The following CHD4 variants were observed in gnomAD, a reference collection of about 807,000 sequenced individuals.
CHD4 encodes the protein ATP-dependent chromatin remodeler CHD4.
Under a neutral mutation model 235.5 loss-of-function variants are expected in CHD4, and 35 were observed. The ratio of observed to expected loss-of-function variants is 0.15; its 90% confidence interval spans 0.11 to 0.20. The LOEUF is 0.20. Among genes scored for constraint, CHD4 ranks in the 10% least tolerant of loss-of-function variants. The pLI is 1.00. For synonymous variants in CHD4, 900 were observed against 850.2 expected, an observed-to-expected ratio of 1.06 and a Z score of -1.02; for missense variants, 1,329 against 2,432.3, an observed-to-expected ratio of 0.55 and a Z score of 9.54.
chr12:6,604,938 G>A lies in CHD4; in HGVS notation c.100+1336C>T, dbSNP rs949465886. ...ACTGTTTCTCATGCCCCTCTCAGAA[G>A]GACAGGGTCCCCTTACCAGCACCAC... On this transcript the variant is annotated intron_variant, in intron 2 of 39. Coordinates refer to ENST00000544040, the MANE Select transcript of CHD4 (RefSeq NM_001273.5). Among the ~76,000 whole-genome samples the A allele has an allele frequency of 2.1e-4, 32 of 152,102 alleles. 1 individual carries two copies. Among genetic ancestry groups the A allele is most frequent in the Non-Finnish European group, 7.4e-5 (5 of 68,022 alleles).
intron 2 of CHD4, among the ~76,000 whole-genome samples, chr12:6,605,603 C>T (rs1948680621): frequency 6.6e-6 from 1 of 152,156 alleles, no homozygotes; most frequent in Non-Finnish European, 1.5e-5. Context: ...AAACTATGTC[C>T]ACTCACCAGG....
chr12:6,600,787 G>A, intron 7 of CHD4, 118 bp from the exon 8 acceptor site: 1 of 1,513,088 alleles, frequency 6.6e-7, no homozygotes, highest in South Asian at 1.3e-5. Context: ...CCGTTATACA[G>A]GGAGCCTAGT....
Position 6,593,316 on chromosome 12 carries a change from G to C in CHD4, c.2515-88C>G. On this transcript the variant is annotated intron_variant, in intron 16 of 39. Transcript: ENST00000544040. The surrounding 1 kb of genome is among the most constrained non-coding windows in gnomAD (Gnocchi z 4.9). The stretch of plus-strand genomic sequence containing the variant: ...CTGATGGAATGTTTTCCTCCTCCCA[G>C]GGTTACCCTTTTGCCTCACCAGGGA... The C allele has an allele frequency of 6.2e-7, 1 of 1,600,842 alleles. No individual in the cohort carries two copies. The highest frequency in any genetic ancestry group is 8.5e-7 in the Non-Finnish European group (1 of 1,169,680).
Position 6,570,282 on chromosome 12 carries a change from AC to A in CHD4, c.*393del, listed in dbSNP as rs1947938342. 2 of 207,038 alleles carry A rather than the reference AC, an allele frequency of 9.7e-6. No homozygotes were observed. Among genetic ancestry groups the A allele is most frequent in the African/African-American group, 2.3e-5 (1 of 43,064 alleles). 12.8% of individuals were successfully genotyped at this position (207,038 alleles called of 1,614,324 possible). ...CCCAGGGGCCCAGCCCACTCTGAAT[AC>A]CCCCCAAAAAGGAGAAAAGAAAACA... On this transcript the variant is annotated 3_prime_UTR_variant, in exon 40 of 40. Transcript: ENST00000544040.
Position 6,579,180 on chromosome 12 carries a change from T to A in CHD4, c.4910-263A>T, listed in dbSNP as rs183595113. 1.1e-3 allele frequency: 453 copies of A among 409,080 alleles called. 4 individuals are homozygous for A. Among genetic ancestry groups the A allele is most frequent in the Admixed American group, 2.7e-3 (72 of 26,684 alleles). The allele number at this position is 409,080 out of a possible 1,614,324, so 25.3% of individuals were successfully genotyped here. On this transcript the variant is annotated intron_variant, in intron 33 of 39. Coordinates refer to ENST00000544040, the MANE Select transcript of CHD4 (RefSeq NM_001273.5). Reference sequence around the variant, plus strand: ...AAATACAAAAATTAGCTGGGTGCGGTGGCTCATGCCTGTAATCCCAGCACT... The same window carrying A: ...AAATACAAAAATTAGCTGGGTGCGGAGGCTCATGCCTGTAATCCCAGCACT...
At chr12:6,572,649 C>G (rs1488354746) in intron 38 of CHD4, among the ~76,000 whole-genome samples, 1 of 131,606 alleles carries the variant, frequency 7.6e-6, no homozygotes, top group Non-Finnish European at 1.5e-5. Flanking sequence ...CTCCGCCTCC[C>G]GGGTTCCAAG....
Position 6,593,062 on chromosome 12 carries a change from G to T in CHD4, c.2652+29C>A. ...AGTACTAGAAAAAACCCAAAGTGGGGGCTCCAACATCCCTCCCTCAGCCCT... is the reference window on the plus strand; with the variant it reads ...AGTACTAGAAAAAACCCAAAGTGGGTGCTCCAACATCCCTCCCTCAGCCCT... On this transcript the variant is annotated intron_variant, in intron 17 of 39. Coordinates refer to ENST00000544040, the MANE Select transcript of CHD4 (RefSeq NM_001273.5). This position sits in a 1 kb window ranked among gnomAD's most constrained non-coding sequence, Gnocchi z 4.9. 1 of 1,610,146 alleles carries T rather than the reference G, an allele frequency of 6.2e-7. No individual in the cohort carries two copies. The highest frequency in any genetic ancestry group is 1.3e-5 in the African/African-American group (1 of 74,872).
chr12:6,582,797 AAAGATGC>A (rs1948218565), intron 28 of CHD4, 44 bp downstream of exon 28: 1 of 1,613,962 alleles, frequency 6.2e-7, no homozygotes, highest in Admixed American at 1.7e-5. Flanking sequence ...GCATTCCACC[AAAGATGC>A]AATATCTGAC....
intron 10 of CHD4, 102 bp downstream of exon 10, chr12:6,599,671 G>A (rs1368309711): frequency 1.4e-6 from 2 of 1,452,048 alleles, no homozygotes; most frequent in Non-Finnish European, 1.9e-6. Flanking sequence ...TCTCAGGGCT[G>A]AAAAGCTCAT....
chr12:6,589,468 C>T (rs1273752713), intron 22 of CHD4, among the ~76,000 whole-genome samples: 1 of 152,184 alleles, frequency 6.6e-6, no homozygotes, highest in African/African-American at 2.4e-5. Context: ...GTATGATGAA[C>T]TGAAAAGGAC....
At chr12:6,585,927 G>A (rs866926656) in intron 25 of CHD4, among the ~76,000 whole-genome samples, 10 of 151,620 alleles carry the variant, frequency 6.6e-5, no homozygotes, top group Non-Finnish European at 1.2e-4. Context: ...GTGAAACCCC[G>A]TTTCTACTAA....
chr12:6,570,220 G>A lies in CHD4; in HGVS notation c.*456C>T, dbSNP rs192895387. The A allele has an allele frequency of 3.1e-5, 5 of 163,622 alleles. No individual in the cohort carries two copies. Among genetic ancestry groups the A allele is most frequent in the African/African-American group, 4.8e-5 (2 of 41,698 alleles). 10.1% of individuals were successfully genotyped at this position (163,622 alleles called of 1,614,324 possible). A position where few individuals can be genotyped will look rare whatever the true frequency, so the allele number is the denominator to read the frequency against. ...AGTGGCTAGAGCCGCTGGGTTCCTG[G>A]TATTAAAAAGATGCCAACAGAGGTA... On this transcript the variant is annotated 3_prime_UTR_variant, in exon 40 of 40. Transcript: ENST00000544040.
At chr12:6,572,796 G>A (rs1192021608) in intron 38 of CHD4, 5 of 254,424 alleles carry the variant, frequency 2.0e-5, no homozygotes, top group South Asian at 5.1e-5. Flanking sequence ...TCCTGACCTC[G>A]TGATCCACCT....
chr12:6,598,131 G>T (rs1253900526), intron 11 of CHD4, 32 bp from the exon 12 acceptor site: 1 of 1,613,448 alleles, frequency 6.2e-7, no homozygotes, highest in African/African-American at 1.3e-5. Flanking sequence ...CAGCCACCAA[G>T]AAGCTGTGTT....
intron 22 of CHD4, among the ~76,000 whole-genome samples, chr12:6,588,952 A>C (rs148739914): frequency 6.6e-6 from 1 of 152,254 alleles, no homozygotes; most frequent in East Asian, 1.9e-4. Flanking sequence ...CTCTTATAGA[A>C]AAATGTCAGA....
At chr12:6,591,122 CAAAA>C (rs35011913) in intron 22 of CHD4, 15 of 25,574 alleles carry the variant, frequency 5.9e-4, no homozygotes, top group East Asian at 4.1e-3. Flanking sequence ...GACTCCATCT[CAAAA>C]AAAAAAAAAA....
chr12:6,601,851 C>T, intron 4 of CHD4, 85 bp from the exon 5 acceptor site: 1 of 1,562,354 alleles, frequency 6.4e-7, no homozygotes, highest in Non-Finnish European at 8.8e-7. Flanking sequence ...ATCAGAGTAA[C>T]AGAGTTAAGA....
chr12:6,595,800 A>C (rs928818158), intron 13 of CHD4, among the ~76,000 whole-genome samples: 2 of 151,666 alleles, frequency 1.3e-5, no homozygotes, highest in Non-Finnish European at 2.9e-5. Context: ...AAAAAAAAAA[A>C]AAAAAAAATC....
Position 6,600,339 on chromosome 12 carries a change from C to G in CHD4, c.1120G>C (p.Glu374Gln). ...GYETDHQDYC[E>Q]VCQQGGEIIL... is the part of the protein sequence containing the mutation. ...ATCTCACCGCCTTGCTGGCACACCT[C>G]GCAATAGTCCTGGTGGTCTGTCTCA... The change falls in exon 9 of 40, where the codon GAG becomes CAG. Residue 374 changes from glutamate to glutamine, a missense_variant. This residue lies in a region of CHD4 where 13 missense variants were observed against 56.5 expected (regional missense o/e 0.23). Coordinates refer to ENST00000544040, the MANE Select transcript of CHD4 (RefSeq NM_001273.5). 1 of 1,614,150 alleles carries G rather than the reference C, an allele frequency of 6.2e-7. No individual in the cohort carries two copies. The highest frequency in any genetic ancestry group is 1.7e-5 in the Admixed American group (1 of 60,024).
Sources: gnomAD v4.1 joint callset for allele counts (sites outside exome capture counted in the v4.1 genomes callset) on GRCh38, gnomAD v4.1.1 for gene constraint, gnomAD v4.1.1 regional missense constraint, Gnocchi (gnomAD v3.1) non-coding constraint, MANE v1.5 for transcripts, NCBI Gene and HGNC (gene_info 2026-07-23, HGNC 2026-07-21) for gene names.